Variants in FBXO41 observed in about 807,000 individuals in gnomAD.
The protein encoded by FBXO41 is F-box protein 41.
A neutral mutation model predicts 81.6 loss-of-function variants in FBXO41; 33 were observed. The ratio of observed to expected loss-of-function variants is 0.40; its 90% CI spans 0.31 to 0.54. FBXO41 has a LOEUF of 0.54. Among genes scored for constraint, FBXO41 ranks in the 20% least tolerant of loss-of-function variants. FBXO41 has a pLI of 0.39. For missense variants in FBXO41, 1,107 were observed against 1,236.0 expected, an observed-to-expected ratio of 0.90 and a Z score of 1.56; for synonymous variants, 576 against 552.7, an observed-to-expected ratio of 1.04 and a Z score of -0.59.
At position 73,278,840 on chromosome 2, in the gene FBXO41, G is replaced by C. The variant is rs143158089; in HGVS notation, c.-139+5320C>G. On this transcript the variant is annotated intron_variant, in intron 1 of 12. Coordinates refer to ENST00000520530, the MANE Select transcript of FBXO41 (RefSeq NM_001371389.2). ...GTGAGAAAGAGTATTCCTCCTTCAG[G>C]GAACTAAAATGTAAGCTCCTTGAGG... 1.6e-3 allele frequency among the ~76,000 whole-genome samples: 239 copies of C among 152,250 alleles called. 1 individual carries two copies. Among genetic ancestry groups the C allele is most frequent in the African/African-American group, 5.4e-3 (224 of 41,520 alleles).
Position 73,269,389 on chromosome 2 carries a change from C to A in FBXO41, c.242G>T (p.Arg81Leu), listed in dbSNP as rs1361306944. 1 of 1,470,758 alleles carries A rather than the reference C, an allele frequency of 6.8e-7. No homozygotes were observed. The highest frequency in any genetic ancestry group is 9.0e-7 in the Non-Finnish European group (1 of 1,115,462). The allele number at this position is 1,470,758 out of a possible 1,614,324, so 91.1% of individuals were successfully genotyped here. The stretch of plus-strand genomic sequence containing the variant: ...GAAGGAAGTGCTCTCGAAGACCTCT[C>A]GCCGGGCGCCGGGCACGGCCAGCAG... ...AALLAVPGAR[R>L]EVFESTSFQG... Residue 81 changes from arginine (R) to leucine (L), a missense_variant, in exon 2 of 13, where the codon CGA (arginine) becomes CTA (leucine). By Grantham distance (102) the Arg-to-Leu change is moderately radical. Transcript: ENST00000520530. The surrounding 1 kb of genome is among the most constrained non-coding windows in gnomAD (Gnocchi z 7.0).
chr2:73,260,622 CCCTGCCA>C lies in FBXO41; in HGVS notation c.2291-82_2291-76del. On this transcript the variant is annotated intron_variant, in intron 10 of 12. Coordinates refer to ENST00000520530, the MANE Select transcript of FBXO41 (RefSeq NM_001371389.2). The surrounding 1 kb of genome is among the most constrained non-coding windows in gnomAD (Gnocchi z 5.0). ...CCTGCAGCCAGCACCCTGGCTACCA[CCCTGCCA>C]CCTGCCACCACCCAGGCTGCAGCCC... is the stretch of plus-strand genomic sequence containing the variant. 1 of 1,538,548 alleles carries C rather than the reference CCCTGCCA, an allele frequency of 6.5e-7. No individual in the cohort carries two copies. Among genetic ancestry groups the C allele is most frequent in the Non-Finnish European group, 8.8e-7 (1 of 1,137,940 alleles).
In FBXO41 at chr2:73,263,304, C is replaced by A; in HGVS notation, c.2080G>T (p.Ala694Ser). 6.6e-7 allele frequency: 1 copy of A among 1,526,236 alleles called. No individual in the cohort carries two copies. Among genetic ancestry groups the A allele is most frequent in the Admixed American group, 2.1e-5 (1 of 47,156 alleles). The allele number at this position is 1,526,236 out of a possible 1,614,324, so 94.5% of individuals were successfully genotyped here. ...ACCTCATGGCCCACGGGGTCTGTGG[C>A]ACTCCTGTGAAAAGACAAAGCTGCT... ...RALQAVTYRS[A>S]TDPVGHEVIW... is the part of the protein sequence containing the mutation. Residue 694 changes from alanine (A) to serine (S), a missense_variant, in exon 9 of 13, where the codon GCC becomes TCC. This residue lies in a region of FBXO41 where 336 missense variants were observed against 446.7 expected (regional missense o/e 0.75). Transcript: ENST00000520530.
intron 1 of FBXO41, among the ~76,000 whole-genome samples, chr2:73,276,696 TTAC>T (rs1363633237): frequency 6.6e-6 from 1 of 151,284 alleles, no homozygotes; most frequent in Non-Finnish European, 1.5e-5. Flanking sequence ...TTTTCTTAAA[TTAC>T]TACCAGGTAC....
rs867787701 is a variant in FBXO41 at position 73,263,252 on chromosome 2, C to T, written c.2132G>A (p.Arg711Lys). The T allele has an allele frequency of 6.4e-7, 1 of 1,556,692 alleles. No individual in the cohort carries two copies. The highest frequency in any genetic ancestry group is 1.4e-5 in the African/African-American group (1 of 73,238). The change falls in exon 9 of 13, where the codon AGA becomes AAA. Residue 711 changes from arginine (R) to lysine (K), a missense_variant. Physicochemically the swap from Arg to Lys is conservative, Grantham distance 26 (BLOSUM62 2). Around this residue, in one of 2 missense-constraint regions of FBXO41, gnomAD observed 336 missense variants for 446.7 expected, o/e 0.75. Transcript: ENST00000520530. ...TGCCACTTGGAGGGAGACGATCTCT[C>T]TGCAGCCTGCGCCCAGGGCCCAAAT... The part of the protein sequence containing the change: ...EVIWALGAGC[R>K]EIVSLQVAPL...
chr2:73,267,077 GACATGTTCAGTC>G (rs1272317673), intron 2 of FBXO41, among the ~76,000 whole-genome samples: 1 of 151,940 alleles, frequency 6.6e-6, no homozygotes. Context: ...CAGAAACACA[GACATGTTCAGTC>G]ACATGTGCAT....
intron 5 of FBXO41, 147 bp from the exon 6 acceptor site, chr2:73,264,666 G>A: frequency 8.3e-7 from 1 of 1,210,996 alleles, no homozygotes; most frequent in Non-Finnish European, 1.1e-6. Context: ...AGGGGCCTCT[G>A]CCTCCCTGTC....
At chr2:73,280,063 A>G (rs1688802521) in intron 1 of FBXO41, among the ~76,000 whole-genome samples, 2 of 152,040 alleles carry the variant, frequency 1.3e-5, no homozygotes, top group Non-Finnish European at 1.5e-5. Context: ...CATGGCTCCC[A>G]TCTCAACCAA....
intron 9 of FBXO41, among the ~76,000 whole-genome samples, chr2:73,261,188 A>C (rs1324416557): frequency 6.6e-6 from 1 of 151,804 alleles, no homozygotes; most frequent in Non-Finnish European, 1.5e-5. Flanking sequence ...TCCCGAGTAG[A>C]CAGGACTACA....
At position 73,260,295 on chromosome 2, in the gene FBXO41, G is replaced by T; in HGVS notation, c.2449+94C>A. 1.4e-6 allele frequency: 2 copies of T among 1,474,988 alleles called. No individual in the cohort carries two copies. Among genetic ancestry groups the T allele is most frequent in the Non-Finnish European group, 1.8e-6 (2 of 1,091,936 alleles). The allele number at this position is 1,474,988 out of a possible 1,614,324, so 91.4% of individuals were successfully genotyped here. A position where few individuals can be genotyped will look rare whatever the true frequency, so the allele number is the denominator to read the frequency against. Reference sequence around the variant, plus strand: ...GCCTCTGCCCTTGGCTGGAGACTCTGATCCATCTGCCCCAGTGATAGTTAG... The same window carrying T: ...GCCTCTGCCCTTGGCTGGAGACTCTTATCCATCTGCCCCAGTGATAGTTAG... On this transcript the variant is annotated intron_variant, in intron 11 of 12. Coordinates refer to ENST00000520530, the MANE Select transcript of FBXO41 (RefSeq NM_001371389.2). This position sits in a 1 kb window ranked among gnomAD's most constrained non-coding sequence, Gnocchi z 5.0.
At position 73,256,625 on chromosome 2, in the gene FBXO41, C is replaced by T. The variant is rs10193579; in HGVS notation, c.*2357G>A. 16,237 of 152,346 alleles carry T rather than the reference C, an allele frequency of 0.11. 1,257 individuals are homozygous for T. The highest frequency in any genetic ancestry group is 0.22 in the African/African-American group (8,957 of 41,502). The allele number at this position is 152,346 out of a possible 1,614,324, so 9.4% of individuals were successfully genotyped here. On this transcript the variant is annotated 3_prime_UTR_variant, in exon 13 of 13. Transcript: ENST00000520530. ...AGGGGCTTTCCTGGAAATAGCCAAA[C>T]CCATGGGAAGTGGACGTCCCCCCAG...
At chr2:73,276,390 A>G (rs1243076533) in intron 1 of FBXO41, among the ~76,000 whole-genome samples, 1 of 151,778 alleles carries the variant, frequency 6.6e-6, no homozygotes, top group African/African-American at 2.4e-5. Flanking sequence ...CTGGGCAACA[A>G]GAGCAAAACT....
Position 73,269,396 on chromosome 2 carries a change from C to A in FBXO41, c.235G>T (p.Ala79Ser). ...GTGCTCTCGAAGACCTCTCGCCGGG[C>A]GCCGGGCACGGCCAGCAGGGCGGCG... ...EPAALLAVPG[A>S]RREVFESTSF... The change falls in exon 2 of 13, where the codon GCC (alanine) becomes TCC (serine). Residue 79 changes from alanine to serine, a missense_variant. Ala to Ser is a moderately conservative substitution (Grantham distance 99, BLOSUM62 1). Around this residue, in one of 2 missense-constraint regions of FBXO41, gnomAD observed 771 missense variants for 789.2 expected, o/e 0.98. Coordinates refer to ENST00000520530, the MANE Select transcript of FBXO41 (RefSeq NM_001371389.2). This position sits in a 1 kb window ranked among gnomAD's most constrained non-coding sequence, Gnocchi z 7.0. The A allele has an allele frequency of 6.8e-7, 1 of 1,466,080 alleles. No individual in the cohort carries two copies. The highest frequency in any genetic ancestry group is 3.0e-5 in the East Asian group (1 of 32,870). The allele number at this position is 1,466,080 out of a possible 1,614,324, so 90.8% of individuals were successfully genotyped here. A position where few individuals can be genotyped will look rare whatever the true frequency, so the allele number is the denominator to read the frequency against.
At chr2:73,283,939 G>T (rs1423108009) in intron 1 of FBXO41, among the ~76,000 whole-genome samples, 3 of 152,140 alleles carry the variant, frequency 2.0e-5, no homozygotes, top group Non-Finnish European at 2.9e-5. Context: ...CGAGAGGGGG[G>T]AGGGGAAGCC....
At chr2:73,281,693 C>T (rs148772827) in intron 1 of FBXO41, among the ~76,000 whole-genome samples, 14 of 152,342 alleles carry the variant, frequency 9.2e-5, no homozygotes, top group African/African-American at 3.4e-4. Context: ...AGGCTCTCAA[C>T]ATAATGCAGC....
chr2:73,271,630 C>CCCCCA (rs1688497657), intron 1 of FBXO41: 1 of 147,734 alleles, frequency 6.8e-6, no homozygotes, highest in South Asian at 2.3e-4. Flanking sequence ...CACTCCCCCC[C>CCCCCA]CCCCAACTTC....
rs151107579 is a variant in FBXO41, at chr2:73,269,140, G to C, written c.491C>G (p.Ala164Gly). Residue 164 changes from alanine to glycine, a missense_variant, in exon 2 of 13, where the codon GCG becomes GGG. This residue lies in a region of FBXO41 where 771 missense variants were observed against 789.2 expected (regional missense o/e 0.98). Coordinates refer to ENST00000520530, the MANE Select transcript of FBXO41 (RefSeq NM_001371389.2). The surrounding 1 kb of genome is among the most constrained non-coding windows in gnomAD (Gnocchi z 7.0). ...CGGCGGCGTCGAGCACGCCGAGGAC[G>C]CCACGGACTTGCGGGCGAACAGCTC... ...LGELFARKSV[A>G]SSACSTPPPG... The C allele has an allele frequency of 1.2e-3, 1,806 of 1,521,228 alleles. 31 individuals carry two copies. The East Asian group carries it at 0.04, about 33-fold the overall frequency. 94.2% of individuals were successfully genotyped at this position (1,521,228 alleles called of 1,614,324 possible).
chr2:73,266,551 A>C lies in FBXO41; in HGVS notation c.1037T>G (p.Ile346Ser). ...ADRAERQLQV[I>S]SSSCGSTPSA... is the part of the protein sequence containing the mutation. ...GGGCGTGCTGCCACAGCTGCTGCTG[A>C]TGACCTGCAGCTGCCGCTCGGCACG... is the stretch of plus-strand genomic sequence containing the variant. The change falls in exon 3 of 13, where the codon ATC becomes AGC. Residue 346 changes from isoleucine to serine, a missense_variant. By Grantham distance (142) the Ile-to-Ser change is moderately radical (BLOSUM62 -2). Around this residue, in one of 2 missense-constraint regions of FBXO41, gnomAD observed 771 missense variants for 789.2 expected, o/e 0.98. Transcript: ENST00000520530. The surrounding 1 kb of genome is among the most constrained non-coding windows in gnomAD (Gnocchi z 5.3). 1.2e-6 allele frequency: 2 copies of C among 1,609,390 alleles called. No homozygotes were observed. Among genetic ancestry groups the C allele is most frequent in the South Asian group, 1.1e-5 (1 of 90,672 alleles).
intron 9 of FBXO41, among the ~76,000 whole-genome samples, chr2:73,262,801 A>G (rs7588946): frequency 0.26 from 39,705 of 152,112 alleles, 5,452 homozygotes; most frequent in East Asian, 0.36. Context: ...GCTGGAGTGC[A>G]ATGGCACGAT....
Sources: allele counts gnomAD v4.1 joint callset (sites outside exome capture counted in the v4.1 genomes callset), GRCh38; gene constraint gnomAD v4.1.1; regional missense constraint gnomAD v4.1.1; non-coding constraint Gnocchi (gnomAD v3.1); transcripts MANE v1.5; gene names NCBI Gene and HGNC (gene_info 2026-07-23, HGNC 2026-07-21).